OTOGL: variants seen among roughly 807,000 people sequenced by gnomAD.
OTOGL encodes the protein otogelin like, also known as otogelin-like protein.
A neutral mutation model predicts 318.5 loss-of-function variants in OTOGL; 285 were observed. That is an observed-to-expected ratio of 0.89 (90% CI 0.81 to 0.99). The LOEUF is 0.99. Ranked by LOEUF, OTOGL falls within the 50% of genes least tolerant of loss-of-function variation. The pLI, the probability that OTOGL is intolerant of heterozygous loss-of-function variation, is 0.00. For synonymous variants in OTOGL, 987 were observed against 936.5 expected (o/e 1.05, Z -0.99); for missense variants, 2,899 against 2,845.6 (o/e 1.02, Z -0.43).
At chr12:80,309,209 T>C (rs1739435937) in intron 29 of OTOGL, among the ~76,000 whole-genome samples, 1 of 152,212 alleles carries the variant, frequency 6.6e-6, no homozygotes, top group African/African-American at 2.4e-5. Context: ...TCACAGTCTT[T>C]GCCTTTAAGG....
intron 11 of OTOGL, among the ~76,000 whole-genome samples, chr12:80,245,108 G>C (rs1335809371): frequency 9.6e-6 from 1 of 103,670 alleles, no homozygotes; most frequent in African/African-American, 4.6e-5. Context: ...CCATGTTGTA[G>C]GTTGCCTGTT....
In OTOGL at chr12:80,328,693, A is replaced by G. The variant is rs1305615767; in HGVS notation, c.4228A>G (p.Lys1410Glu). The G allele has an allele frequency of 1.9e-6, 3 of 1,606,204 alleles. No individual in the cohort carries two copies. The highest frequency in any genetic ancestry group is 2.7e-5 in the African/African-American group (2 of 74,660). The change falls in exon 36 of 59, where the codon AAA (lysine) becomes GAA (glutamate). Residue 1410 changes from lysine to glutamate, a missense_variant. Lys to Glu is a moderately conservative substitution (Grantham distance 56). Transcript: ENST00000547103. ...PVEGCLPYCP[K>E]NMILDEVTLK... The stretch of plus-strand genomic sequence containing the variant: ...TGAAGGATGCTTGCCCTACTGCCCT[A>G]AAAATATGATCCTTGATGAGGTCAC...
chr12:80,216,182 C>G lies in OTOGL; in HGVS notation c.169-1416C>G, dbSNP rs143055589. Among the ~76,000 whole-genome samples the G allele has an allele frequency of 3.3e-5, 5 of 152,208 alleles. No individual in the cohort carries two copies. The East Asian group carries it at 7.7e-4, about 23-fold the overall frequency. On this transcript the variant is annotated intron_variant, in intron 4 of 58. Transcript: ENST00000547103. ...AATGATATAGCACGGGTAGATTTTCCTGTTGAAGTAAAAAGTGCTGAGATG... is the reference window on the plus strand; with the variant it reads ...AATGATATAGCACGGGTAGATTTTCGTGTTGAAGTAAAAAGTGCTGAGATG...
chr12:80,247,033 G>A (rs796552400), intron 11 of OTOGL, among the ~76,000 whole-genome samples: 6,691 of 92,892 alleles, frequency 0.072, 283 homozygotes, highest in Middle Eastern at 0.11. Flanking sequence ...TTTTTATTGT[G>A]TCTATTTGAT....
intron 44 of OTOGL, chr12:80,343,522 T>C (rs1324532312): frequency 1.5e-5 from 2 of 131,902 alleles, no homozygotes; most frequent in African/African-American, 6.2e-5. Context: ...TTTTTTTTTT[T>C]TTTTTTTTTT....
intron 35 of OTOGL, among the ~76,000 whole-genome samples, chr12:80,324,043 A>C (rs1049994647): frequency 6.6e-6 from 1 of 152,276 alleles, no homozygotes; most frequent in Non-Finnish European, 1.5e-5. Context: ...CTGGGGAGAC[A>C]GTACTGAACA....
At chr12:80,121,949 T>C (rs1179802360) in intron 1 of OTOGL, among the ~76,000 whole-genome samples, 1 of 152,208 alleles carries the variant, frequency 6.6e-6, no homozygotes, top group Non-Finnish European at 1.5e-5. Context: ...TTATAATTTG[T>C]ACTTTATTTC....
At position 80,334,905 on chromosome 12, in the gene OTOGL, C is replaced by T. The variant is rs190654336; in HGVS notation, c.4423-1058C>T. Among the ~76,000 whole-genome samples, 10 of 152,122 alleles carry T rather than the reference C, an allele frequency of 6.6e-5. No homozygotes were observed. The East Asian group carries it at 1.9e-3, about 29-fold the overall frequency. ...GCTAAATGAAAAGCAAGGTCAATAC[C>T]TGAGAAGTGGTACAACTTTTACACA... is the stretch of plus-strand genomic sequence containing the variant. On this transcript the variant is annotated intron_variant, in intron 38 of 58. Coordinates refer to ENST00000547103, the MANE Select transcript of OTOGL (RefSeq NM_001378609.3).
At chr12:80,318,488 A>G (rs1453092084) in intron 32 of OTOGL, 58 bp from the exon 33 acceptor site, 2 of 1,124,508 alleles carry the variant, frequency 1.8e-6, no homozygotes, top group African/African-American at 3.2e-5. Context: ...TTGAAATGAC[A>G]GATTGAAATT....
intron 29 of OTOGL, among the ~76,000 whole-genome samples, chr12:80,308,456 G>A (rs1379483090): frequency 6.6e-6 from 1 of 151,926 alleles, no homozygotes; most frequent in African/African-American, 2.4e-5. Flanking sequence ...GATGGCGGCC[G>A]GGAAGAGACG....
At chr12:80,309,138 C>T (rs903513068) in intron 29 of OTOGL, among the ~76,000 whole-genome samples, 1 of 152,154 alleles carries the variant, frequency 6.6e-6, no homozygotes, top group Non-Finnish European at 1.5e-5. Context: ...TTAAAAAATT[C>T]ACTAATTTTT....
chr12:80,297,109 G>C, intron 27 of OTOGL, 148 bp downstream of exon 27: 1 of 674,256 alleles, frequency 1.5e-6, no homozygotes, highest in Non-Finnish European at 2.2e-6. Context: ...TCAGTACATT[G>C]TGCTTGACTT....
intron 1 of OTOGL, among the ~76,000 whole-genome samples, chr12:80,168,990 T>C (rs886194509): frequency 1.2e-4 from 18 of 152,214 alleles, no homozygotes; most frequent in African/African-American, 4.3e-4. Context: ...ACATATCTTC[T>C]CTAGACTGGT....
chr12:80,377,253 A>C, intron 58 of OTOGL, 51 bp downstream of exon 58: 2 of 1,404,992 alleles, frequency 1.4e-6, no homozygotes, highest in Non-Finnish European at 2.0e-6. Flanking sequence ...CTTTTTAGAA[A>C]GTATGTGTGT....
At chr12:80,105,045 G>A (rs983599127) in intron 1 of OTOGL, among the ~76,000 whole-genome samples, 1 of 152,008 alleles carries the variant, frequency 6.6e-6, no homozygotes, top group Non-Finnish European at 1.5e-5. Flanking sequence ...GCAGTGAGCC[G>A]AGATTGCACC....
At chr12:80,119,872 C>T (rs1363979511) in intron 1 of OTOGL, among the ~76,000 whole-genome samples, 1 of 152,072 alleles carries the variant, frequency 6.6e-6, no homozygotes, top group Non-Finnish European at 1.5e-5. Context: ...TCAGGGACTA[C>T]TGAATACCTT....
chr12:80,265,902 A>G (rs374634925), intron 20 of OTOGL: 61 of 152,820 alleles, frequency 4.0e-4, no homozygotes, highest in African/African-American at 1.4e-3. Flanking sequence ...ATGTAAATTC[A>G]TATACCAAAT....
At chr12:80,267,651 A>G (rs928842137) in intron 22 of OTOGL, among the ~76,000 whole-genome samples, 2 of 147,208 alleles carry the variant, frequency 1.4e-5, no homozygotes, top group Admixed American at 1.4e-4. Context: ...GAGTGAGAAC[A>G]TGCAGTGTTT....
At chr12:80,339,332 G>T (rs1212398505) in intron 43 of OTOGL, 68 bp downstream of exon 43, 8 of 1,183,732 alleles carry the variant, frequency 6.8e-6, no homozygotes, top group African/African-American at 2.0e-5. Flanking sequence ...TTCTATTCAC[G>T]CTATGCCATT....
Sources: allele counts gnomAD v4.1 joint callset (sites outside exome capture counted in the v4.1 genomes callset), GRCh38; gene constraint gnomAD v4.1.1; transcripts MANE v1.5; gene names NCBI Gene and HGNC (gene_info 2026-07-23, HGNC 2026-07-21).